Variants in SPATA17 observed in about 807,000 individuals in gnomAD.
SPATA17 encodes the protein spermatogenesis-associated protein 17.
Under a neutral mutation model 62.2 loss-of-function variants are expected in SPATA17, and 53 were observed. The ratio of observed to expected loss-of-function variants is 0.85; its 90% CI spans 0.68 to 1.07. The LOEUF is 1.07. SPATA17 is among the 50% of genes least tolerant of loss of function. The pLI is 0.00. For synonymous variants in SPATA17, 146 were observed against 146.8 expected, an observed-to-expected ratio of 0.99 and a Z score of 0.04; for missense variants, 466 against 425.5, an observed-to-expected ratio of 1.10 and a Z score of -0.84.
At chr1:217,725,597 GTAT>G (rs1672241807) in intron 5 of SPATA17, among the ~76,000 whole-genome samples, 1 of 152,092 alleles carries the variant, frequency 6.6e-6, no homozygotes, top group East Asian at 1.9e-4. Flanking sequence ...TGAGTAGCTG[GTAT>G]TACGGGCCTG....
intron 4 of SPATA17, among the ~76,000 whole-genome samples, chr1:217,678,430 G>A (rs1276197871): frequency 2.0e-5 from 3 of 151,492 alleles, no homozygotes; most frequent in South Asian, 2.1e-4. Context: ...GGCTGGTCTC[G>A]AACTCCTGAC....
At chr1:217,703,716 C>A (rs919748327) in intron 5 of SPATA17, among the ~76,000 whole-genome samples, 29 of 152,150 alleles carry the variant, frequency 1.9e-4, no homozygotes, top group African/African-American at 6.5e-4. Flanking sequence ...AAATTCTCAG[C>A]CATACTGCTA....
At chr1:217,747,073 G>A (rs1262030738) in intron 6 of SPATA17, among the ~76,000 whole-genome samples, 1 of 152,026 alleles carries the variant, frequency 6.6e-6, no homozygotes, top group Non-Finnish European at 1.5e-5. Flanking sequence ...AACACATCAA[G>A]AAATCTTTGT....
intron 9 of SPATA17, among the ~76,000 whole-genome samples, chr1:217,847,238 A>G (rs1675550455): frequency 6.6e-6 from 1 of 152,006 alleles, no homozygotes; most frequent in African/African-American, 2.4e-5. Flanking sequence ...ATATTCTTGC[A>G]GTTGACTTTC....
chr1:217,850,678 T>C (rs2103011372), intron 9 of SPATA17: 2 of 1,479,880 alleles, frequency 1.4e-6, no homozygotes, highest in Non-Finnish European at 1.9e-6. Context: ...TCGCCAGTCA[T>C]GTCCAGCCAC....
chr1:217,798,813 AC>A (rs1674221157), intron 8 of SPATA17, among the ~76,000 whole-genome samples: 1 of 121,924 alleles, frequency 8.2e-6, no homozygotes, highest in South Asian at 3.1e-4. Flanking sequence ...AACTGCTGAA[AC>A]TTGACCTGTA....
intron 9 of SPATA17, among the ~76,000 whole-genome samples, chr1:217,822,403 CG>C (rs1674885987): frequency 2.0e-5 from 3 of 151,316 alleles, no homozygotes; most frequent in Admixed American, 6.6e-5. Flanking sequence ...TTTCTGTTCA[CG>C]AGTTTGTCTT....
At chr1:217,831,853 A>G (rs1284267937) in intron 9 of SPATA17, among the ~76,000 whole-genome samples, 1 of 152,172 alleles carries the variant, frequency 6.6e-6, no homozygotes, top group Non-Finnish European at 1.5e-5. Flanking sequence ...CTTTTATGTC[A>G]TATGTGTATT....
At chr1:217,828,887 T>A (rs1220448879) in intron 9 of SPATA17, among the ~76,000 whole-genome samples, 2 of 152,040 alleles carry the variant, frequency 1.3e-5, no homozygotes. Flanking sequence ...TTCAAATCAC[T>A]GAGATATCAC....
At chr1:217,784,781 G>A (rs1480513635) in intron 8 of SPATA17, among the ~76,000 whole-genome samples, 1 of 152,150 alleles carries the variant, frequency 6.6e-6, no homozygotes, top group Non-Finnish European at 1.5e-5. Flanking sequence ...TTATCCCCTA[G>A]CCTGGAGAAC....
chr1:217,742,456 T>G (rs1485736119), intron 6 of SPATA17, among the ~76,000 whole-genome samples: 1 of 152,214 alleles, frequency 6.6e-6, no homozygotes, highest in African/African-American at 2.4e-5. Context: ...TGAGGTTGCT[T>G]TCATGTTTTC....
chr1:217,713,708 T>C (rs17674338), intron 5 of SPATA17, among the ~76,000 whole-genome samples: 9,450 of 152,250 alleles, frequency 0.062, 345 homozygotes, highest in Middle Eastern at 0.14. Context: ...TCTCTGTGTG[T>C]ATGTGTTAAA....
chr1:217,647,612 T>C (rs1213919488), intron 1 of SPATA17, among the ~76,000 whole-genome samples: 1 of 152,218 alleles, frequency 6.6e-6, no homozygotes, highest in East Asian at 1.9e-4. Context: ...CTAATTGTAG[T>C]CTGGGAAGTC....
intron 6 of SPATA17, among the ~76,000 whole-genome samples, chr1:217,756,501 C>T (rs772862007): frequency 3.3e-5 from 5 of 152,164 alleles, no homozygotes; most frequent in Non-Finnish European, 7.4e-5. Context: ...TGGATGGTTT[C>T]AAGGGAGCTG....
chr1:217,721,078 T>A (rs1672115851), intron 5 of SPATA17, among the ~76,000 whole-genome samples: 1 of 152,248 alleles, frequency 6.6e-6, no homozygotes, highest in African/African-American at 2.4e-5. Flanking sequence ...CACTCAGATG[T>A]ACCATGAACT....
At chr1:217,757,248 A>T (rs1454538084) in intron 6 of SPATA17, among the ~76,000 whole-genome samples, 2 of 152,224 alleles carry the variant, frequency 1.3e-5, no homozygotes, top group Non-Finnish European at 2.9e-5. Context: ...GAGAAAAATA[A>T]AAAAGACAGA....
chr1:217,857,368 C>T (rs989283119), intron 9 of SPATA17, among the ~76,000 whole-genome samples: 1 of 152,134 alleles, frequency 6.6e-6, no homozygotes, highest in African/African-American at 2.4e-5. Context: ...CTCAGAGAGC[C>T]GTTCACTTCC....
intron 9 of SPATA17, among the ~76,000 whole-genome samples, chr1:217,837,037 A>T (rs1675276554): frequency 1.3e-5 from 2 of 152,138 alleles, no homozygotes; most frequent in Admixed American, 1.3e-4. Flanking sequence ...AGCCTTCCCC[A>T]CAGTGCAGTA....
At chr1:217,813,969 T>C (rs912002871) in intron 9 of SPATA17, among the ~76,000 whole-genome samples, 2 of 152,054 alleles carry the variant, frequency 1.3e-5, no homozygotes, top group African/African-American at 4.8e-5. Flanking sequence ...TATGCTACCT[T>C]TGCTTTTTAA....
Sources: allele counts gnomAD v4.1 joint callset (sites outside exome capture counted in the v4.1 genomes callset), GRCh38; gene constraint gnomAD v4.1.1; transcripts MANE v1.5; gene names NCBI Gene and HGNC (gene_info 2026-07-23, HGNC 2026-07-21).